BAHCC1: variants seen among roughly 807,000 people sequenced by gnomAD.
The protein encoded by BAHCC1 is BAH domain and coiled-coil containing 1.
BAHCC1 carries 43 observed loss-of-function variants against 88.2 expected under a neutral mutation model. The observed-to-expected ratio is 0.49, with a 90% confidence interval of 0.38 to 0.63. BAHCC1 has a LOEUF of 0.63. Ranked by LOEUF, BAHCC1 falls within the 20% of genes least tolerant of loss-of-function variation. The pLI is 0.00. For synonymous variants in BAHCC1, 1,510 were observed against 745.5 expected, an observed-to-expected ratio of 2.03 and a Z score of -16.71; for missense variants, 3,023 against 1,654.8, an observed-to-expected ratio of 1.83 and a Z score of -14.34.
At chr17:81,396,460 A>G (rs921162076) in intron 1 of BAHCC1, 1 of 151,918 alleles carries the variant, frequency 6.6e-6, no homozygotes, top group Non-Finnish European at 1.5e-5. Context: ...CCCAGTTCTC[A>G]TGACTCTCCC....
At position 81,447,654 on chromosome 17, in the gene BAHCC1, A is replaced by G. The variant is rs1555654948; in HGVS notation, c.3782A>G (p.Asp1261Gly). Residue 1261 changes from aspartate (D) to glycine (G), a missense_variant, in exon 11 of 28, where the codon GAT becomes GGT. Coordinates refer to ENST00000675386, the MANE Select transcript of BAHCC1 (RefSeq NM_001377448.1). Reference protein sequence around the residue: ...SHPPRALPGLDALVAATINLG... With the variant: ...SHPPRALPGLGALVAATINLG... Reference sequence around the variant, plus strand: ...CCACCCAGGGCGCTACCAGGCCTGGATGCCTTGGTGGCCGCCACCATCAAC... The same window carrying G: ...CCACCCAGGGCGCTACCAGGCCTGGGTGCCTTGGTGGCCGCCACCATCAAC... The G allele has an allele frequency of 5.4e-6, 4 of 740,832 alleles. No individual in the cohort carries two copies. In the Admixed American group the frequency reaches 5.7e-5, roughly 10 times the overall value. 45.9% of individuals were successfully genotyped at this position (740,832 alleles called of 1,614,324 possible). A position where few individuals can be genotyped will look rare whatever the true frequency, so the allele number is the denominator to read the frequency against.
intron 2 of BAHCC1, among the ~76,000 whole-genome samples, chr17:81,405,706 G>C (rs562803905): frequency 6.6e-6 from 1 of 152,262 alleles, no homozygotes; most frequent in Admixed American, 6.5e-5. Context: ...GTGCCCCCCT[G>C]CCCTTCCTTC....
rs1200685358 is a variant in BAHCC1 at position 81,442,957 on chromosome 17, A to G, written c.1608A>G (p.Pro536=). The G allele has an allele frequency of 2.6e-6, 2 of 778,916 alleles. No homozygotes were observed. Among genetic ancestry groups the G allele is most frequent in the Admixed American group, 1.7e-5 (1 of 58,982 alleles). 48.3% of individuals were successfully genotyped at this position (778,916 alleles called of 1,614,324 possible). The change falls in exon 5 of 28, where the codon CCA becomes CCG. Residue 536 remains proline (P), a synonymous_variant. Coordinates refer to ENST00000675386, the MANE Select transcript of BAHCC1 (RefSeq NM_001377448.1). ...GCAAGGAAGCCCCGGCCGGCCCCCC[A>G]GGGGCACAGAAGGTGGCCCGCATCA... ...TVGKEAPAGP[P]GAQKVARIRH...
Position 81,399,590 on chromosome 17 carries a change from C to G in BAHCC1, c.-150C>G. On this transcript the variant is annotated 5_prime_UTR_variant, in exon 2 of 28. Coordinates refer to ENST00000675386, the MANE Select transcript of BAHCC1 (RefSeq NM_001377448.1). The surrounding 1 kb of genome is among the most constrained non-coding windows in gnomAD (Gnocchi z 4.5). ...GTGCGCGGCCGCCCGCCGAGAAGCCCAGTCCTCCCGCGTGCTGACCGGCCC... is the reference window on the plus strand; with the variant it reads ...GTGCGCGGCCGCCCGCCGAGAAGCCGAGTCCTCCCGCGTGCTGACCGGCCC... 4.1e-6 allele frequency: 2 copies of G among 483,902 alleles called. No individual in the cohort carries two copies. The highest frequency in any genetic ancestry group is 1.7e-5 in the South Asian group (1 of 58,414). The allele number at this position is 483,902 out of a possible 1,614,324, so 30.0% of individuals were successfully genotyped here.
At chr17:81,400,788 C>G (rs1348474062) in intron 2 of BAHCC1, 1 of 154,390 alleles carries the variant, frequency 6.5e-6, no homozygotes, top group Non-Finnish European at 1.5e-5. Context: ...CAGAGCGGGC[C>G]CAGGCCTCCA....
intron 3 of BAHCC1, among the ~76,000 whole-genome samples, chr17:81,428,534 C>G (rs997624984): frequency 0.066 from 10,091 of 152,300 alleles, 918 homozygotes; most frequent in African/African-American, 0.21. Flanking sequence ...GAAGTGGCAC[C>G]AGCCCATCCC....
In BAHCC1 at chr17:81,435,427, C is replaced by A. The variant is rs1426102293; in HGVS notation, c.359-2943C>A. On this transcript the variant is annotated intron_variant, in intron 3 of 27. Coordinates refer to ENST00000675386, the MANE Select transcript of BAHCC1 (RefSeq NM_001377448.1). The surrounding 1 kb of genome is among the most constrained non-coding windows in gnomAD (Gnocchi z 4.4). Reference sequence around the variant, plus strand: ...CCCCACTGCCCCCAGGGCTCTTCCCCACGCTCCACCAGGCTCCGAGGGCAC... The same window carrying A: ...CCCCACTGCCCCCAGGGCTCTTCCCAACGCTCCACCAGGCTCCGAGGGCAC... 6.4e-6 allele frequency: 3 copies of A among 469,990 alleles called. No individual in the cohort carries two copies. Among genetic ancestry groups the A allele is most frequent in the African/African-American group, 6.0e-5 (3 of 50,074 alleles). The allele number at this position is 469,990 out of a possible 1,614,324, so 29.1% of individuals were successfully genotyped here. A position where few individuals can be genotyped will look rare whatever the true frequency, so the allele number is the denominator to read the frequency against.
intron 2 of BAHCC1, among the ~76,000 whole-genome samples, chr17:81,416,208 G>A (rs1455303116): frequency 6.7e-6 from 1 of 149,956 alleles, no homozygotes; most frequent in Non-Finnish European, 1.5e-5. Context: ...ATGCGCGTGT[G>A]TACGTGTATG....
chr17:81,414,991 G>A (rs1356713220), intron 2 of BAHCC1, among the ~76,000 whole-genome samples: 5 of 152,264 alleles, frequency 3.3e-5, no homozygotes, highest in South Asian at 2.1e-4. Context: ...TACCCGCCCC[G>A]GCGTACTGTC....
intron 2 of BAHCC1, among the ~76,000 whole-genome samples, chr17:81,423,878 C>T (rs11150785): frequency 0.2 from 30,154 of 152,122 alleles, 3,163 homozygotes; most frequent in Non-Finnish European, 0.21. Flanking sequence ...CTGGGCTGGG[C>T]GGGGCCTGGG....
chr17:81,460,833 C>T (rs1453898694), intron 25 of BAHCC1, 33 bp from the exon 26 acceptor site: 9 of 766,882 alleles, frequency 1.2e-5, no homozygotes, highest in Non-Finnish European at 1.9e-5. Context: ...GTGGGCCCAG[C>T]TGGGGCTGAC....
chr17:81,422,813 G>C (rs187100214), intron 2 of BAHCC1: 1 of 435,832 alleles, frequency 2.3e-6, no homozygotes, highest in Non-Finnish European at 4.6e-6. Flanking sequence ...AGGAAAAGGC[G>C]GGAGGGACTT....
At chr17:81,407,770 A>T (rs2063899212) in intron 2 of BAHCC1, among the ~76,000 whole-genome samples, 2 of 152,210 alleles carry the variant, frequency 1.3e-5, no homozygotes, top group Admixed American at 1.3e-4. Flanking sequence ...CCAAGCTCAC[A>T]GCTGCTCACA....
intron 2 of BAHCC1, chr17:81,402,850 A>G (rs972332405): frequency 6.6e-6 from 1 of 152,182 alleles, no homozygotes; most frequent in Non-Finnish European, 1.5e-5. Context: ...TGGGGCTCCC[A>G]GGCTTCTTCC....
At chr17:81,422,852 C>A (rs1347690155) in intron 2 of BAHCC1, 2 of 371,340 alleles carry the variant, frequency 5.4e-6, no homozygotes, top group Admixed American at 3.4e-5. Flanking sequence ...GTGGGAAGGC[C>A]TGGGGGACTC....
At chr17:81,447,879 A>G (rs782247620) in intron 11 of BAHCC1, 31 bp downstream of exon 11, 13 of 715,114 alleles carry the variant, frequency 1.8e-5, no homozygotes, top group Non-Finnish European at 3.1e-5. Flanking sequence ...CACCCCCCAG[A>G]GTCCCAGCAG....
intron 27 of BAHCC1, among the ~76,000 whole-genome samples, 172 bp downstream of exon 27, chr17:81,463,148 G>C (rs1462089761): frequency 6.6e-6 from 1 of 152,140 alleles, no homozygotes; most frequent in Admixed American, 6.5e-5. Context: ...ATGCCCTAGA[G>C]CAGGGCTCCC....
In BAHCC1 at chr17:81,445,526, C is replaced by A; in HGVS notation, c.3008C>A (p.Ala1003Asp). ...CCHPPDPKPP[A>D]SSPTPPPRPS... Reference sequence around the variant, plus strand: ...CATCCGCCCGACCCAAAGCCCCCCGCCAGCTCCCCCACCCCACCACCTCGG... The same window carrying A: ...CATCCGCCCGACCCAAAGCCCCCCGACAGCTCCCCCACCCCACCACCTCGG... Residue 1003 changes from alanine to aspartate, a missense_variant, in exon 10 of 28, where the codon GCC (alanine) becomes GAC (aspartate). Coordinates refer to ENST00000675386, the MANE Select transcript of BAHCC1 (RefSeq NM_001377448.1). The A allele has an allele frequency of 1.4e-6, 1 of 730,690 alleles. No individual in the cohort carries two copies. The highest frequency in any genetic ancestry group is 2.6e-5 in the East Asian group (1 of 38,362). 45.3% of individuals were successfully genotyped at this position (730,690 alleles called of 1,614,324 possible). A position where few individuals can be genotyped will look rare whatever the true frequency, so the allele number is the denominator to read the frequency against.
intron 2 of BAHCC1, among the ~76,000 whole-genome samples, chr17:81,422,271 A>G (rs2064125085): frequency 6.6e-6 from 1 of 152,232 alleles, no homozygotes; most frequent in Admixed American, 6.5e-5. Context: ...TTGGCCTCCC[A>G]AAGTGCTGGG....
Sources: gnomAD v4.1 joint callset for allele counts (sites outside exome capture counted in the v4.1 genomes callset) on GRCh38, gnomAD v4.1.1 for gene constraint, Gnocchi (gnomAD v3.1) non-coding constraint, MANE v1.5 for transcripts, NCBI Gene and HGNC (gene_info 2026-07-23, HGNC 2026-07-21) for gene names.